ADGRL2: variants seen among roughly 807,000 people sequenced by gnomAD.
ADGRL2 encodes adhesion G protein-coupled receptor L2, also known as calcium-independent alpha-latrotoxin receptor 2.
A neutral mutation model predicts 157.4 loss-of-function variants in ADGRL2; 44 were observed. The observed-to-expected ratio is 0.28, with a 90% CI of 0.22 to 0.36. ADGRL2 has a LOEUF of 0.36. ADGRL2 is among the 10% of genes least tolerant of loss of function. ADGRL2 has a pLI of 1.00. For missense variants in ADGRL2, 1,510 were observed against 1,768.9 expected, an observed-to-expected ratio of 0.85 and a Z score of 2.63; for synonymous variants, 585 against 624.7, an observed-to-expected ratio of 0.94 and a Z score of 0.95.
In ADGRL2 at chr1:81,992,688, G is replaced by A. The variant is rs1349448338; in HGVS notation, c.*1543G>A. Among the ~76,000 whole-genome samples, 1 of 151,968 alleles carries A rather than the reference G, an allele frequency of 6.6e-6. No individual in the cohort carries two copies. Among genetic ancestry groups the A allele is most frequent in the Non-Finnish European group, 1.5e-5 (1 of 67,978 alleles). ...CATTGTACCAGGACTAAAAAAAGAA[G>A]GATTGGAAGTTCTGCCATCAAATTT... On this transcript the variant is annotated 3_prime_UTR_variant, in exon 24 of 24. Transcript: ENST00000686636.
At chr1:81,987,926 T>G in intron 23 of ADGRL2, 40 bp downstream of exon 23, 1 of 324,764 alleles carries the variant, frequency 3.1e-6, no homozygotes, top group Non-Finnish European at 6.5e-6. Context: ...CAAATGTAAA[T>G]TTTTTCAGCA....
intron 23 of ADGRL2, chr1:81,990,029 G>A (rs1470304443): frequency 1.0e-6 from 1 of 984,750 alleles, no homozygotes; most frequent in Non-Finnish European, 1.2e-6. Context: ...ACTTTAAAAT[G>A]TAAATGTCAC....
intron 2 of ADGRL2, among the ~76,000 whole-genome samples, chr1:81,780,357 T>A (rs1404533713): frequency 6.6e-6 from 1 of 152,172 alleles, no homozygotes; most frequent in Admixed American, 6.5e-5. Context: ...GTGGATTCTA[T>A]TCCTGACCAA....
rs2081972498 is a variant in ADGRL2 at position 81,629,609 on chromosome 1, C to T, written c.-143+48629C>T. ...TGTTTCCTTATCAAATAGAATAGTG[C>T]TTGGATCATAACAGGCAACAGAGGA... On this transcript the variant is annotated intron_variant, in intron 3 of 24. Coordinates refer to the ADGRL2 transcript ENST00000370721. Among the ~76,000 whole-genome samples, 3 of 151,330 alleles carry T rather than the reference C, an allele frequency of 2.0e-5. No homozygotes were observed. In the South Asian group the frequency reaches 6.2e-4, roughly 31 times the overall value.
At chr1:81,804,470 C>CT (rs1485423720) in intron 1 of ADGRL2, among the ~76,000 whole-genome samples, 2 of 152,198 alleles carry the variant, frequency 1.3e-5, no homozygotes, top group African/African-American at 4.8e-5. Flanking sequence ...AAACTTCAGC[C>CT]TGTCTTCCTT....
At chr1:81,368,000 A>G (rs939720329) in intron 1 of ADGRL2, among the ~76,000 whole-genome samples, 1 of 152,190 alleles carries the variant, frequency 6.6e-6, no homozygotes, top group Non-Finnish European at 1.5e-5. Flanking sequence ...ACGTGCATGT[A>G]TCTTTATAAT....
intron 1 of ADGRL2, among the ~76,000 whole-genome samples, chr1:81,430,321 G>A (rs1396693787): frequency 6.6e-6 from 1 of 152,226 alleles, no homozygotes; most frequent in African/African-American, 2.4e-5. Flanking sequence ...TGCAGAAGGG[G>A]AAGGTTTGTC....
chr1:81,705,410 G>A (rs1390362729), intron 1 of ADGRL2, among the ~76,000 whole-genome samples: 2 of 152,136 alleles, frequency 1.3e-5, no homozygotes, highest in East Asian at 3.9e-4. Context: ...ACCATGCCAG[G>A]CTAATTTTTG....
At chr1:81,364,781 C>T (rs1257000846) in intron 1 of ADGRL2, among the ~76,000 whole-genome samples, 2 of 151,496 alleles carry the variant, frequency 1.3e-5, no homozygotes, top group East Asian at 3.9e-4. Context: ...CTCACTGCAA[C>T]CTACACCTCC....
chr1:81,838,105 G>A (rs1471078466), intron 2 of ADGRL2, among the ~76,000 whole-genome samples: 1 of 151,944 alleles, frequency 6.6e-6, no homozygotes, highest in Non-Finnish European at 1.5e-5. Context: ...GGGGCATACT[G>A]TCAACTAATA....
chr1:81,872,734 T>G (rs1161434092), intron 2 of ADGRL2, among the ~76,000 whole-genome samples: 1 of 152,120 alleles, frequency 6.6e-6, no homozygotes, highest in Admixed American at 6.6e-5. Context: ...GAGAGGACAC[T>G]TAGCTATACA....
intron 2 of ADGRL2, among the ~76,000 whole-genome samples, chr1:81,483,735 C>G (rs1330385999): frequency 1.3e-5 from 2 of 152,024 alleles, no homozygotes; most frequent in Non-Finnish European, 2.9e-5. Flanking sequence ...GGATGTGACT[C>G]TGTGTTTGAG....
intron 2 of ADGRL2, among the ~76,000 whole-genome samples, chr1:81,501,523 C>G (rs576857130): frequency 6.6e-6 from 1 of 152,344 alleles, no homozygotes; most frequent in East Asian, 1.9e-4. Flanking sequence ...TATCTTGGTT[C>G]ACTCATCGAG....
intron 2 of ADGRL2, among the ~76,000 whole-genome samples, chr1:81,869,963 C>G (rs2093649626): frequency 1.3e-5 from 2 of 151,850 alleles, no homozygotes; most frequent in South Asian, 4.1e-4. Context: ...AACAGTAGTG[C>G]TATATATCAT....
intron 1 of ADGRL2, among the ~76,000 whole-genome samples, chr1:81,419,945 A>T (rs1346110342): frequency 6.6e-6 from 1 of 152,218 alleles, no homozygotes. Flanking sequence ...TAATTAGTCA[A>T]AGGATTAGAT....
intron 3 of ADGRL2, among the ~76,000 whole-genome samples, chr1:81,619,056 T>C (rs994708967): frequency 2.0e-5 from 3 of 152,268 alleles, no homozygotes; most frequent in Admixed American, 1.3e-4. Context: ...TCTTGATGTT[T>C]TACTGATAAT....
At chr1:81,519,349 A>G (rs1201648418) in intron 2 of ADGRL2, among the ~76,000 whole-genome samples, 1 of 152,162 alleles carries the variant, frequency 6.6e-6, no homozygotes, top group Non-Finnish European at 1.5e-5. Context: ...CCTGACTCAT[A>G]TGTAATTTCT....
rs181865185 is a variant in ADGRL2 at position 81,597,671 on chromosome 1, T to A, written c.-143+16691T>A. On this transcript the variant is annotated intron_variant, in intron 3 of 24. Coordinates refer to the ADGRL2 transcript ENST00000370721. ...ATGCAAATCCCATTGTTCCTCAACT[T>A]ACAATGGGGTTACATCCGGATAAAC... Among the ~76,000 whole-genome samples, 440 of 152,308 alleles carry A rather than the reference T, an allele frequency of 2.9e-3. 2 individuals are homozygous for A. Among genetic ancestry groups the A allele is most frequent in the African/African-American group, 0.01 (424 of 41,574 alleles).
Position 81,423,118 on chromosome 1 carries a change from T to C in ADGRL2, c.-301-21918T>C, listed in dbSNP as rs367778963. Among the ~76,000 whole-genome samples, 52 of 152,164 alleles carry C rather than the reference T, an allele frequency of 3.4e-4. No homozygotes were observed. In the East Asian group the frequency reaches 6.2e-3, roughly 18 times the overall value. ...CTTTGGGGACATGACAAACAGAAAA[T>C]GTCAGTGTGTCATGTTTTAGAAGAA... On this transcript the variant is annotated intron_variant, in intron 1 of 24. Coordinates refer to the ADGRL2 transcript ENST00000370721.
Sources: allele counts gnomAD v4.1 joint callset (sites outside exome capture counted in the v4.1 genomes callset), GRCh38; gene constraint gnomAD v4.1.1; transcripts MANE v1.5; gene names NCBI Gene and HGNC (gene_info 2026-07-23, HGNC 2026-07-21).